Variants in FOXJ3 observed in about 807,000 individuals in gnomAD.
FOXJ3 encodes the protein forkhead box protein J3.
In FOXJ3, 22 loss-of-function variants were observed where a neutral mutation model predicts 76.1. That is an observed-to-expected ratio of 0.29 (90% CI 0.21 to 0.41). The LOEUF (loss-of-function observed/expected upper bound fraction) is 0.41. Ranked by LOEUF, FOXJ3 falls within the 10% of genes least tolerant of loss-of-function variation. The probability of loss-of-function intolerance (pLI) is 1.00; values close to 1 mark genes in which losing one functional copy is unlikely to be tolerated. For missense variants in FOXJ3, 613 were observed against 762.1 expected, an observed-to-expected ratio of 0.80 and a Z score of 2.30; for synonymous variants, 269 against 261.2, an observed-to-expected ratio of 1.03 and a Z score of -0.29.
chr1:42,254,123 AAAC>A (rs1279592372), intron 4 of FOXJ3, among the ~76,000 whole-genome samples: 11 of 152,204 alleles, frequency 7.2e-5, no homozygotes, highest in Admixed American at 1.3e-4. Context: ...ACAAGAAAAA[AAAC>A]AAACAACCCC....
intron 1 of FOXJ3, among the ~76,000 whole-genome samples, chr1:42,316,333 CTT>C (rs71065173): frequency 8.1e-5 from 6 of 73,912 alleles, no homozygotes; most frequent in East Asian, 7.8e-4. Context: ...TGCATTGGGC[CTT>C]TTTTTTTTTT....
At chr1:42,186,933 C>T (rs111507938) in intron 11 of FOXJ3, among the ~76,000 whole-genome samples, 2,828 of 151,438 alleles carry the variant, frequency 0.019, 100 homozygotes, top group African/African-American at 0.065. Context: ...CTACAACCTC[C>T]GCCTCCCAGG....
chr1:42,331,102 C>A (rs1459982555), intron 1 of FOXJ3, among the ~76,000 whole-genome samples: 7 of 151,992 alleles, frequency 4.6e-5, no homozygotes, highest in Non-Finnish European at 2.9e-5. Flanking sequence ...GAAACTTGAC[C>A]AGGCGCGGTG....
intron 2 of FOXJ3, chr1:42,280,484 C>T: frequency 3.4e-6 from 3 of 894,226 alleles, no homozygotes; most frequent in Non-Finnish European, 3.9e-6. Flanking sequence ...TCCTACTCTA[C>T]AATCTCAACC....
intron 2 of FOXJ3, among the ~76,000 whole-genome samples, chr1:42,309,329 C>A (rs991101258): frequency 1.8e-4 from 28 of 152,276 alleles, no homozygotes; most frequent in African/African-American, 6.0e-4. Context: ...TTGGACCTTC[C>A]TGCACTCCCT....
intron 1 of FOXJ3, among the ~76,000 whole-genome samples, chr1:42,327,025 C>G (rs1655876778): frequency 6.6e-6 from 1 of 152,188 alleles, no homozygotes; most frequent in South Asian, 2.1e-4. Context: ...ACACATATCA[C>G]TATTAACACA....
intron 2 of FOXJ3, among the ~76,000 whole-genome samples, chr1:42,295,769 C>T (rs1417452487): frequency 2.0e-5 from 3 of 152,132 alleles, no homozygotes; most frequent in Non-Finnish European, 4.4e-5. Flanking sequence ...CTCAGGTGAT[C>T]CGCTGCCTTG....
At chr1:42,226,437 C>T (rs1647573804) in intron 5 of FOXJ3, among the ~76,000 whole-genome samples, 1 of 152,108 alleles carries the variant, frequency 6.6e-6, no homozygotes, top group Admixed American at 6.5e-5. Flanking sequence ...CATGGCAAAA[C>T]CCTGTCTCTA....
intron 2 of FOXJ3, among the ~76,000 whole-genome samples, chr1:42,281,227 CACAT>C (rs1570146851): frequency 6.6e-6 from 1 of 152,088 alleles, no homozygotes; most frequent in East Asian, 1.9e-4. Flanking sequence ...TAAAAATACA[CACAT>C]ACCTGTCCTC....
At chr1:42,278,193 T>A (rs1301143611) in intron 3 of FOXJ3, among the ~76,000 whole-genome samples, 155 bp downstream of exon 3, 1 of 152,158 alleles carries the variant, frequency 6.6e-6, no homozygotes, top group African/African-American at 2.4e-5. Flanking sequence ...AAAATAAAGT[T>A]ATTCACCTAA....
At position 42,313,335 on chromosome 1, in the gene FOXJ3, CT is replaced by C. The variant is rs1203797479; in HGVS notation, c.-17-2226del. Among the ~76,000 whole-genome samples the C allele has an allele frequency of 2.1e-5, 3 of 145,504 alleles. No individual in the cohort carries two copies. The East Asian group carries it at 6.1e-4, about 29-fold the overall frequency. ...CTAGGCAATAAGAGCAAAATTCCGT[CT>C]CAAAAAAAAAAAAAAAGCTTCATAC... On this transcript the variant is annotated intron_variant, in intron 1 of 12. Coordinates refer to ENST00000361346, the MANE Select transcript of FOXJ3 (RefSeq NM_014947.5).
chr1:42,184,862 T>C (rs562668756), intron 11 of FOXJ3, among the ~76,000 whole-genome samples: 4 of 151,866 alleles, frequency 2.6e-5, no homozygotes, highest in Admixed American at 2.0e-4. Flanking sequence ...CAAGAGGAAA[T>C]AGCAAGTACA....
intron 2 of FOXJ3, among the ~76,000 whole-genome samples, chr1:42,301,400 C>A (rs1166297102): frequency 6.6e-6 from 1 of 151,988 alleles, no homozygotes; most frequent in African/African-American, 2.4e-5. Flanking sequence ...GGGGTTTTCA[C>A]CATGTTGGCC....
At chr1:42,311,027 A>G in intron 2 of FOXJ3, 23 bp downstream of exon 2, 7 of 1,469,280 alleles carry the variant, frequency 4.8e-6, no homozygotes, top group Non-Finnish European at 6.5e-6. Flanking sequence ...GTTCTAATAA[A>G]GAAAAAAAAA....
intron 1 of FOXJ3, among the ~76,000 whole-genome samples, chr1:42,326,885 G>C (rs1353184350): frequency 1.3e-5 from 2 of 152,130 alleles, no homozygotes; most frequent in Non-Finnish European, 2.9e-5. Flanking sequence ...TTCATACTAA[G>C]AGTAAGAAAC....
chr1:42,247,529 T>C (rs1037032672), intron 4 of FOXJ3, among the ~76,000 whole-genome samples: 1 of 152,152 alleles, frequency 6.6e-6, no homozygotes, highest in Non-Finnish European at 1.5e-5. Flanking sequence ...ACATCAAAAT[T>C]TGATCACCAT....
chr1:42,192,091 A>G (rs930890573), intron 8 of FOXJ3, among the ~76,000 whole-genome samples: 1 of 152,186 alleles, frequency 6.6e-6, no homozygotes, highest in Non-Finnish European at 1.5e-5. Context: ...ATGTTCGGGG[A>G]AAAGTGGGAA....
At chr1:42,312,211 T>A (rs1654855776) in intron 1 of FOXJ3, among the ~76,000 whole-genome samples, 1 of 152,200 alleles carries the variant, frequency 6.6e-6, no homozygotes, top group Admixed American at 6.5e-5. Flanking sequence ...TTACCTGCAA[T>A]CTCTTGATTT....
At chr1:42,247,285 A>G (rs1029336940) in intron 4 of FOXJ3, among the ~76,000 whole-genome samples, 1 of 152,220 alleles carries the variant, frequency 6.6e-6, no homozygotes, top group Admixed American at 6.5e-5. Context: ...ATAAAAATGC[A>G]CAAATAATAT....
Sources: gnomAD v4.1 joint callset for allele counts (sites outside exome capture counted in the v4.1 genomes callset) on GRCh38, gnomAD v4.1.1 for gene constraint, MANE v1.5 for transcripts, NCBI Gene and HGNC (gene_info 2026-07-23, HGNC 2026-07-21) for gene names.